Variants in RBM39 observed in about 807,000 individuals in gnomAD.
The protein encoded by RBM39 is RNA binding motif protein 39.
RBM39 carries 12 observed loss-of-function variants against 79.6 expected under a neutral mutation model. The ratio of observed to expected loss-of-function variants is 0.15; its 90% CI spans 0.10 to 0.24. The LOEUF (loss-of-function observed/expected upper bound fraction) is 0.24, where lower values mean the gene tolerates loss of function less well. RBM39 is among the 10% of genes least tolerant of loss of function. RBM39 has a pLI of 1.00. For missense variants in RBM39, 243 were observed against 653.4 expected, an observed-to-expected ratio of 0.37 and a Z score of 6.85; for synonymous variants, 185 against 208.4, an observed-to-expected ratio of 0.89 and a Z score of 0.97.
At chr20:35,713,149 G>C in intron 11 of RBM39, 53 bp from the exon 12 acceptor site, 1 of 1,467,192 alleles carries the variant, frequency 6.8e-7, no homozygotes. Flanking sequence ...GAGAAACGAA[G>C]TTTCCTGGGT....
chr20:35,730,700 C>T (rs1284718408), intron 4 of RBM39, among the ~76,000 whole-genome samples: 1 of 151,878 alleles, frequency 6.6e-6, no homozygotes, highest in African/African-American at 2.4e-5. Flanking sequence ...AATTCCTTTC[C>T]CCTTATTTAG....
Position 35,721,192 on chromosome 20 carries a change from C to G in RBM39, c.825+548G>C, listed in dbSNP as rs1262247242. Among the ~76,000 whole-genome samples, 3 of 152,280 alleles carry G rather than the reference C, an allele frequency of 2.0e-5. No individual in the cohort carries two copies. In the South Asian group the frequency reaches 6.2e-4, roughly 32 times the overall value. On this transcript the variant is annotated intron_variant, in intron 9 of 16. Transcript: ENST00000253363. ...ATAATCTGCCCACCTCGGCCTCCCT[C>G]CCAAAATGCTGGGGTTACAGGTGTG...
intron 14 of RBM39, among the ~76,000 whole-genome samples, chr20:35,705,706 G>A (rs967867283): frequency 5.3e-5 from 8 of 151,766 alleles, no homozygotes; most frequent in African/African-American, 1.9e-4. Context: ...GCTGAAGCAG[G>A]AGAATCGCTT....
chr20:35,734,337 ATTAT>A, intron 3 of RBM39: 4 of 772,986 alleles, frequency 5.2e-6, no homozygotes, highest in Non-Finnish European at 7.8e-6. Context: ...GGCTACACTC[ATTAT>A]TTATATAGAA....
At chr20:35,719,096 C>T (rs1404340634) in intron 9 of RBM39, among the ~76,000 whole-genome samples, 1 of 152,038 alleles carries the variant, frequency 6.6e-6, no homozygotes, top group Non-Finnish European at 1.5e-5. Flanking sequence ...CTACATATAC[C>T]CCATGAACCA....
In RBM39 at chr20:35,731,682, G is replaced by T. The variant is rs1183392934; in HGVS notation, c.296+259C>A. On this transcript the variant is annotated intron_variant, in intron 4 of 16. Transcript: ENST00000253363. ...ACTCTAGTGCTTTCATCCAGTTTGC[G>T]TTGACTGGCATACAATTTAGAAACT... 5 of 483,912 alleles carry T rather than the reference G, an allele frequency of 1.0e-5. No homozygotes were observed. The East Asian group carries it at 1.4e-4, about 14-fold the overall frequency. 30.0% of individuals were successfully genotyped at this position (483,912 alleles called of 1,614,324 possible).
In RBM39 at chr20:35,707,211, G is replaced by T; in HGVS notation, c.1226-10C>A. 4 of 1,593,336 alleles carry T rather than the reference G, an allele frequency of 2.5e-6. No individual in the cohort carries two copies. The highest frequency in any genetic ancestry group is 3.4e-6 in the Non-Finnish European group (4 of 1,165,894). ...GCAGCTAAAGCTGAAGCTAAAAAAA[G>T]AAAGAGAAAAATTAGTTTCATGGAA... On this transcript the variant is annotated splice_polypyrimidine_tract_variant and intron_variant, in intron 13 of 16. Coordinates refer to ENST00000253363, the MANE Select transcript of RBM39 (RefSeq NM_184234.3).
chr20:35,709,339 A>G, intron 12 of RBM39, 65 bp from the exon 13 acceptor site: 1 of 1,360,412 alleles, frequency 7.4e-7, no homozygotes, highest in Non-Finnish European at 1.0e-6. Flanking sequence ...GAAAGCATTA[A>G]TAAAAGAGGA....
intron 10 of RBM39, among the ~76,000 whole-genome samples, chr20:35,714,786 T>G (rs1224833648): frequency 6.6e-6 from 1 of 152,148 alleles, no homozygotes; most frequent in East Asian, 1.9e-4. Context: ...GACAAAATAG[T>G]CAATATAATC....
In RBM39 at chr20:35,703,851, T is replaced by A. The variant is rs922359108; in HGVS notation, c.*630A>T. 1.3e-5 allele frequency: 2 copies of A among 152,314 alleles called. No individual in the cohort carries two copies. Among genetic ancestry groups the A allele is most frequent in the African/African-American group, 4.8e-5 (2 of 41,456 alleles). 9.4% of individuals were successfully genotyped at this position (152,314 alleles called of 1,614,324 possible). On this transcript the variant is annotated 3_prime_UTR_variant, in exon 17 of 17. Coordinates refer to ENST00000253363, the MANE Select transcript of RBM39 (RefSeq NM_184234.3). ...CCTACCAGACTCTCACGTTTAAACA[T>A]CTTCAGGAAATGCAGGGATCATTTT...
rs1171935414 is a variant in RBM39, at chr20:35,740,935, T to C, written c.-13-48A>G. On this transcript the variant is annotated intron_variant, in intron 1 of 16. Coordinates refer to ENST00000253363, the MANE Select transcript of RBM39 (RefSeq NM_184234.3). Reference sequence around the variant, plus strand: ...TCTTGAGTAAACATTTCTCTTACAATGTGAAACAAGTTTCACTCTTGTTGC... The same window carrying C: ...TCTTGAGTAAACATTTCTCTTACAACGTGAAACAAGTTTCACTCTTGTTGC... 3.5e-6 allele frequency: 5 copies of C among 1,425,014 alleles called. No homozygotes were observed. In the South Asian group the frequency reaches 3.6e-5, roughly 10 times the overall value. 88.3% of individuals were successfully genotyped at this position (1,425,014 alleles called of 1,614,324 possible). A position where few individuals can be genotyped will look rare whatever the true frequency, so the allele number is the denominator to read the frequency against.
rs149051594 is a variant in RBM39 at position 35,731,606 on chromosome 20, T to C, written c.296+335A>G. Reference sequence around the variant, plus strand: ...GCAAATACTGTAACAGCCCAGACACTTGTTAAGCTTTCTTAGGTATTTGGG... The same window carrying C: ...GCAAATACTGTAACAGCCCAGACACCTGTTAAGCTTTCTTAGGTATTTGGG... On this transcript the variant is annotated intron_variant, in intron 4 of 16. Transcript: ENST00000253363. 16 of 262,082 alleles carry C rather than the reference T, an allele frequency of 6.1e-5. No homozygotes were observed. The East Asian group carries it at 1.3e-3, about 21-fold the overall frequency. The allele number at this position is 262,082 out of a possible 1,614,324, so 16.2% of individuals were successfully genotyped here. A position where few individuals can be genotyped will look rare whatever the true frequency, so the allele number is the denominator to read the frequency against.
At chr20:35,711,644 C>T (rs988252975) in intron 12 of RBM39, among the ~76,000 whole-genome samples, 3 of 152,100 alleles carry the variant, frequency 2.0e-5, no homozygotes, top group African/African-American at 7.2e-5. Context: ...GGTACTCACA[C>T]ACTTAAGAAC....
At chr20:35,724,887 G>A (rs528392482) in intron 7 of RBM39, 151 bp downstream of exon 7, 357 of 1,025,870 alleles carry the variant, frequency 3.5e-4, no homozygotes, top group Non-Finnish European at 4.9e-4. Context: ...CAAATTTGTA[G>A]TAACATTTAT....
At chr20:35,714,460 A>T in intron 10 of RBM39, 71 bp from the exon 11 acceptor site, 1 of 1,443,594 alleles carries the variant, frequency 6.9e-7, no homozygotes, top group African/African-American at 1.4e-5. Context: ...ACTTAAAAAT[A>T]TATTTATATT....
intron 3 of RBM39, among the ~76,000 whole-genome samples, chr20:35,735,534 G>GTT (rs2039812878): frequency 6.6e-6 from 1 of 152,328 alleles, no homozygotes; most frequent in African/African-American, 2.4e-5. Context: ...TTAAGACAAT[G>GTT]AAGTTTTAGA....
intron 2 of RBM39, 43 bp downstream of exon 2, chr20:35,740,781 A>C (rs1355397690): frequency 6.4e-7 from 1 of 1,569,346 alleles, no homozygotes; most frequent in African/African-American, 1.4e-5. Context: ...GAATAATGCT[A>C]AATTAAGAAA....
At position 35,741,984 on chromosome 20, in the gene RBM39, A is replaced by G; in HGVS notation, c.-57T>C. ...GCCTGTGGTGCTCGTGTTCGGGAAG[A>G]GATTGCTGCTGCTGCTGCTGCTGCT... On this transcript the variant is annotated 5_prime_UTR_variant, in exon 1 of 17. Transcript: ENST00000253363. 4.1e-6 allele frequency: 1 copy of G among 242,362 alleles called. No individual in the cohort carries two copies. Among genetic ancestry groups the G allele is most frequent in the Non-Finnish European group, 8.1e-6 (1 of 123,412 alleles). The allele number at this position is 242,362 out of a possible 1,614,324, so 15.0% of individuals were successfully genotyped here. A position where few individuals can be genotyped will look rare whatever the true frequency, so the allele number is the denominator to read the frequency against.
intron 3 of RBM39, among the ~76,000 whole-genome samples, chr20:35,738,547 CTT>C (rs2040218359): frequency 6.6e-6 from 1 of 152,238 alleles, no homozygotes; most frequent in Non-Finnish European, 1.5e-5. Flanking sequence ...TAATTCACAG[CTT>C]TGACTCCTTC....
Sources: allele counts gnomAD v4.1 joint callset (sites outside exome capture counted in the v4.1 genomes callset), GRCh38; gene constraint gnomAD v4.1.1; transcripts MANE v1.5; gene names NCBI Gene and HGNC (gene_info 2026-07-23, HGNC 2026-07-21).